The following TOLLIP variants were observed in gnomAD, a reference collection of about 807,000 sequenced individuals.
TOLLIP encodes toll interacting protein.
In TOLLIP, 16 loss-of-function variants were observed where a neutral mutation model predicts 33.5. The ratio of observed to expected loss-of-function variants is 0.48; its 90% CI spans 0.32 to 0.72. The LOEUF is 0.72. TOLLIP is among the 30% of genes least tolerant of loss of function. TOLLIP has a pLI of 0.03. For synonymous variants in TOLLIP, 176 were observed against 163.7 expected (o/e 1.07, Z -0.57); for missense variants, 325 against 396.6 (o/e 0.82, Z 1.53).
chr11:1,291,898 C>T (rs920098418), intron 2 of TOLLIP: 4 of 157,036 alleles, frequency 2.5e-5, no homozygotes, highest in African/African-American at 4.8e-5. Flanking sequence ...CAACCCTCGC[C>T]GCACAGCTGA....
rs1207473195 is a variant in TOLLIP at position 1,302,710 on chromosome 11, G to T, written c.33+6756C>A. The T allele has an allele frequency of 4.1e-6, 4 of 985,780 alleles. No individual in the cohort carries two copies. In the African/African-American group the frequency reaches 7.0e-5, roughly 17 times the overall value. 61.1% of individuals were successfully genotyped at this position (985,780 alleles called of 1,614,324 possible). ...GCTCCACGCCAGTCTCCTGGCACTG[G>T]CATGTTCAATAAACAACCCTTGAGC... is the stretch of plus-strand genomic sequence containing the variant. On this transcript the variant is annotated intron_variant, in intron 1 of 5. Transcript: ENST00000317204.
At position 1,290,273 on chromosome 11, in the gene TOLLIP, G is replaced by A. The variant is rs752656167; in HGVS notation, c.320C>T (p.Thr107Met). Residue 107 changes from threonine (T) to methionine (M), a missense_variant, in exon 3 of 6, where the codon ACG becomes ATG. Thr to Met is a moderately conservative substitution (Grantham distance 81, BLOSUM62 -1). Coordinates refer to ENST00000317204, the MANE Select transcript of TOLLIP (RefSeq NM_019009.4). The surrounding 1 kb of genome is among the most constrained non-coding windows in gnomAD (Gnocchi z 4.9). The part of the protein sequence containing the change: ...NPRWNKVIHC[T>M]VPPGVDSFYL... ...GAAAGAGTCCACGCCTGGGGGCACC[G>A]TGCAGTGGATGACCTTATTCCAGCG... The A allele has an allele frequency of 3.5e-5, 56 of 1,613,580 alleles. No homozygotes were observed. Among genetic ancestry groups the A allele is most frequent in the Non-Finnish European group, 4.2e-5 (49 of 1,179,976 alleles).
intron 1 of TOLLIP, among the ~76,000 whole-genome samples, chr11:1,299,141 T>C (rs1430413083): frequency 6.6e-6 from 1 of 152,220 alleles, no homozygotes; most frequent in East Asian, 1.9e-4. Flanking sequence ...GACCTCTTCG[T>C]GCCAGCTTTT....
Position 1,303,102 on chromosome 11 carries a change from T to G in TOLLIP, c.33+6364A>C, listed in dbSNP as rs938830917. On this transcript the variant is annotated intron_variant, in intron 1 of 5. Transcript: ENST00000317204. This position sits in a 1 kb window ranked among gnomAD's most constrained non-coding sequence, Gnocchi z 4.2. The stretch of plus-strand genomic sequence containing the variant: ...ATGACAGTATTGAAACGAACCCGTG[T>G]AAGCTGAAGAGCGGTGAAAGGGAAG... Among the ~76,000 whole-genome samples, 1 of 152,220 alleles carries G rather than the reference T, an allele frequency of 6.6e-6. No individual in the cohort carries two copies. Among genetic ancestry groups the G allele is most frequent in the African/African-American group, 2.4e-5 (1 of 41,458 alleles).
intron 2 of TOLLIP, among the ~76,000 whole-genome samples, chr11:1,291,559 C>G (rs2133908134): frequency 6.6e-6 from 1 of 151,580 alleles, no homozygotes; most frequent in Admixed American, 6.6e-5. Flanking sequence ...CCCATCCTCA[C>G]TGACGCCCCT....
At chr11:1,288,253 T>A (rs1863811816) in intron 4 of TOLLIP, among the ~76,000 whole-genome samples, 1 of 152,216 alleles carries the variant, frequency 6.6e-6, no homozygotes, top group African/African-American at 2.4e-5. Flanking sequence ...GGCCCAGGGC[T>A]GTATCTCAGA....
At chr11:1,288,226 A>C (rs997079306) in intron 4 of TOLLIP, among the ~76,000 whole-genome samples, 1 of 152,036 alleles carries the variant, frequency 6.6e-6, no homozygotes, top group Non-Finnish European at 1.5e-5. Flanking sequence ...TGTGGGGAGG[A>C]GCCTGGTGTC....
intron 5 of TOLLIP, among the ~76,000 whole-genome samples, chr11:1,282,680 A>G (rs1171810925): frequency 6.6e-6 from 1 of 151,112 alleles, no homozygotes; most frequent in African/African-American, 2.4e-5. Flanking sequence ...ACCTAATGTT[A>G]AATGACGAGT....
chr11:1,289,496 C>T (rs547549555), intron 3 of TOLLIP, among the ~76,000 whole-genome samples: 1 of 152,368 alleles, frequency 6.6e-6, no homozygotes, highest in East Asian at 1.9e-4. Flanking sequence ...GGACTCAGGA[C>T]CCTCAAGGGT....
At chr11:1,302,677 G>A (rs976571834) in intron 1 of TOLLIP, 59 of 986,600 alleles carry the variant, frequency 6.0e-5, no homozygotes, top group Middle Eastern at 5.1e-4. Flanking sequence ...AGCCAGCCTC[G>A]GCCTCATGCT....
At chr11:1,305,208 G>A (rs375247428) in intron 1 of TOLLIP, among the ~76,000 whole-genome samples, 13 of 152,204 alleles carry the variant, frequency 8.5e-5, no homozygotes, top group Non-Finnish European at 1.6e-4. Context: ...CTCACAACCC[G>A]GCCTAAAAAA....
chr11:1,287,263 T>C (rs1863740947), intron 4 of TOLLIP, among the ~76,000 whole-genome samples: 2 of 152,216 alleles, frequency 1.3e-5, no homozygotes, highest in African/African-American at 4.8e-5. Context: ...TATGAAAGCG[T>C]CTGTTAAAGA....
intron 2 of TOLLIP, among the ~76,000 whole-genome samples, chr11:1,293,381 G>A (rs1333163122): frequency 2.0e-5 from 3 of 152,246 alleles, no homozygotes. Flanking sequence ...GACCCACAGG[G>A]ATGCAGAAGT....
Position 1,295,801 on chromosome 11 carries a change from G to A in TOLLIP, c.34-7C>T. 6.5e-7 allele frequency: 1 copy of A among 1,550,124 alleles called. No homozygotes were observed. The highest frequency in any genetic ancestry group is 8.7e-7 in the Non-Finnish European group (1 of 1,144,780). On this transcript the variant is annotated splice_region_variant and splice_polypyrimidine_tract_variant and intron_variant, in intron 1 of 5. Coordinates refer to ENST00000317204, the MANE Select transcript of TOLLIP (RefSeq NM_019009.4). ...GGAGCTCACCGATGTACACCTGCGG[G>A]GCCGGGGACCAGAGAGGCCAGTGAG...
chr11:1,297,326 C>T (rs1308156289), intron 1 of TOLLIP, among the ~76,000 whole-genome samples: 1 of 152,172 alleles, frequency 6.6e-6, no homozygotes, highest in Non-Finnish European at 1.5e-5. Context: ...CTTCAAAGGA[C>T]CCCGAGAGGG....
rs1403006751 is a variant in TOLLIP, at chr11:1,295,638, G to A, written c.183+7C>T. On this transcript the variant is annotated splice_region_variant and intron_variant, in intron 2 of 5. Transcript: ENST00000317204. ...CCAGGCAGGCAGGAGGGTGCCCCAAGGCCCACCTGTACCACCGTGATGTTC... is the reference window on the plus strand; with the variant it reads ...CCAGGCAGGCAGGAGGGTGCCCCAAAGCCCACCTGTACCACCGTGATGTTC... 1.3e-6 allele frequency: 2 copies of A among 1,541,966 alleles called. No homozygotes were observed. Among genetic ancestry groups the A allele is most frequent in the African/African-American group, 1.4e-5 (1 of 73,466 alleles).
chr11:1,289,305 C>T, intron 3 of TOLLIP, among the ~76,000 whole-genome samples: 1 of 152,336 alleles, frequency 6.6e-6, no homozygotes, highest in Non-Finnish European at 1.5e-5. Flanking sequence ...AGGGCCCAGG[C>T]AGGGAGGGCT....
At chr11:1,287,787 C>G (rs566888938) in intron 4 of TOLLIP, among the ~76,000 whole-genome samples, 1 of 4,164 alleles carries the variant, frequency 2.4e-4, no homozygotes, top group Non-Finnish European at 7.1e-4. Flanking sequence ...CCCCGCCGCA[C>G]CCTCCCTGCC....
chr11:1,294,517 C>T (rs1864053240), intron 2 of TOLLIP, among the ~76,000 whole-genome samples: 2 of 14,686 alleles, frequency 1.4e-4, no homozygotes, highest in Non-Finnish European at 2.2e-4. Flanking sequence ...TGCATTTCTA[C>T]GAAAGCCCGC....
Sources: gnomAD v4.1 joint callset for allele counts (sites outside exome capture counted in the v4.1 genomes callset) on GRCh38, gnomAD v4.1.1 for gene constraint, Gnocchi (gnomAD v3.1) non-coding constraint, MANE v1.5 for transcripts, NCBI Gene and HGNC (gene_info 2026-07-23, HGNC 2026-07-21) for gene names.